The following LINGO2 variants were observed in gnomAD, a reference collection of about 807,000 sequenced individuals.
The protein encoded by LINGO2 is leucine rich repeat and Ig domain containing 2.
Under a neutral mutation model 30.6 loss-of-function variants are expected in LINGO2, and 14 were observed. The ratio of observed to expected loss-of-function variants is 0.46; its 90% confidence interval spans 0.30 to 0.72. LINGO2 has a LOEUF of 0.72. Ranked by LOEUF, LINGO2 falls within the 30% of genes least tolerant of loss-of-function variation. The pLI, the probability that LINGO2 is intolerant of heterozygous loss-of-function variation, is 0.07. For missense variants in LINGO2, 729 were observed against 751.7 expected (o/e 0.97, Z 0.35); for synonymous variants, 317 against 288.5 (o/e 1.10, Z -1.00).
chr9:28,760,917 TG>T, the LINGO2 span, among the ~76,000 whole-genome samples: 1 of 51,644 alleles, frequency 1.9e-5, no homozygotes, highest in African/African-American at 8.8e-5. Flanking sequence ...TATACGTACG[TG>T]TGTGTGTGTG....
At chr9:28,744,226 G>T in the LINGO2 span, among the ~76,000 whole-genome samples, 15 of 151,440 alleles carry the variant, frequency 9.9e-5, no homozygotes, top group Non-Finnish European at 1.8e-4. Flanking sequence ...TCTATTTGAT[G>T]AAACAGTGTC....
chr9:28,283,059 T>C (rs1437713149), intron 4 of LINGO2, among the ~76,000 whole-genome samples: 7 of 152,172 alleles, frequency 4.6e-5, no homozygotes, highest in Non-Finnish European at 8.8e-5. Context: ...CCTTTGTAGA[T>C]GGAACACATA....
At chr9:28,472,528 T>G (rs896414354) in intron 2 of LINGO2, among the ~76,000 whole-genome samples, 1 of 152,088 alleles carries the variant, frequency 6.6e-6, no homozygotes, top group African/African-American at 2.4e-5. Flanking sequence ...TGTCCTAACG[T>G]TTAAAGAATA....
At chr9:28,686,117 G>A in the LINGO2 span, among the ~76,000 whole-genome samples, 3 of 151,918 alleles carry the variant, frequency 2.0e-5, no homozygotes, top group South Asian at 2.1e-4. Flanking sequence ...CAGAAATTGG[G>A]GAAATTAACC....
rs80005101 is a variant in LINGO2 at position 28,468,501 on chromosome 9, T to C, written c.-279+7439A>G. ...GTCCACAGAAACTGAAGGTAAGAGA[T>C]TATTGGGAAATAATACAGTAGAACA... On this transcript the variant is annotated intron_variant, in intron 2 of 5. Coordinates refer to ENST00000379992, the Ensembl canonical transcript of LINGO2. Among the ~76,000 whole-genome samples the C allele has an allele frequency of 6.6e-3, 998 of 152,006 alleles. 41 individuals are homozygous for C. The East Asian group carries it at 0.093, about 14-fold the overall frequency.
chr9:28,031,671 T>C (rs1224128160), intron 4 of LINGO2, among the ~76,000 whole-genome samples: 1 of 152,196 alleles, frequency 6.6e-6, no homozygotes, highest in Non-Finnish European at 1.5e-5. Flanking sequence ...ATAATTATGA[T>C]CTGCTCTGTC....
chr9:28,249,451 C>T (rs1822116728), intron 4 of LINGO2, among the ~76,000 whole-genome samples: 1 of 152,118 alleles, frequency 6.6e-6, no homozygotes, highest in African/African-American at 2.4e-5. Flanking sequence ...TGATTGGCAA[C>T]AAGAATTATT....
At chr9:28,805,891 A>T in the LINGO2 span, among the ~76,000 whole-genome samples, 1 of 152,184 alleles carries the variant, frequency 6.6e-6, no homozygotes, top group Non-Finnish European at 1.5e-5. Flanking sequence ...AGATAATTAT[A>T]ACATATATTT....
intron 4 of LINGO2, among the ~76,000 whole-genome samples, chr9:28,117,824 G>A (rs1826973776): frequency 6.6e-6 from 1 of 151,788 alleles, no homozygotes. Flanking sequence ...ACTCCCTAGT[G>A]AGATGAACCC....
chr9:28,852,387 C>A, the LINGO2 span, among the ~76,000 whole-genome samples: 71 of 151,960 alleles, frequency 4.7e-4, no homozygotes, highest in African/African-American at 1.7e-3. Context: ...TTAGCAAATA[C>A]TTACTAATGA....
At chr9:29,147,729 C>T in the LINGO2 span, among the ~76,000 whole-genome samples, 4 of 152,096 alleles carry the variant, frequency 2.6e-5, no homozygotes, top group African/African-American at 9.6e-5. Flanking sequence ...ACATTTATTT[C>T]TGAGGACAAG....
chr9:28,040,305 G>A (rs538061273), intron 4 of LINGO2, among the ~76,000 whole-genome samples: 1 of 152,150 alleles, frequency 6.6e-6, no homozygotes. Context: ...TGACCGGGAA[G>A]CCTTCACTAC....
chr9:29,142,537 A>G, the LINGO2 span, among the ~76,000 whole-genome samples: 3 of 151,920 alleles, frequency 2.0e-5, no homozygotes, highest in Non-Finnish European at 4.4e-5. Flanking sequence ...TTAGCAGGAA[A>G]AAAGATAACA....
At chr9:29,188,869 G>T in the LINGO2 span, among the ~76,000 whole-genome samples, 2 of 149,154 alleles carry the variant, frequency 1.3e-5, no homozygotes, top group Non-Finnish European at 3.0e-5. Context: ...AGGGCGGCTG[G>T]CCGGGCAGAG....
intron 3 of LINGO2, among the ~76,000 whole-genome samples, chr9:28,368,469 G>A (rs903621478): frequency 4.6e-5 from 7 of 152,050 alleles, no homozygotes; most frequent in African/African-American, 1.4e-4. Context: ...AGCGAAGTTA[G>A]AGAGATGTAT....
chr9:29,094,295 G>C, the LINGO2 span, among the ~76,000 whole-genome samples: 1 of 138,976 alleles, frequency 7.2e-6, no homozygotes, highest in African/African-American at 2.7e-5. Context: ...GGCATTTTAT[G>C]ATGATGTACA....
chr9:28,528,787 T>C (rs1219218267), intron 1 of LINGO2, among the ~76,000 whole-genome samples: 3 of 152,076 alleles, frequency 2.0e-5, no homozygotes, highest in African/African-American at 7.2e-5. Flanking sequence ...GTATTGTTGA[T>C]GTGTATATAT....
chr9:29,068,287 G>C, the LINGO2 span, among the ~76,000 whole-genome samples: 1 of 151,716 alleles, frequency 6.6e-6, no homozygotes, highest in South Asian at 2.1e-4. Context: ...GATGCTAATA[G>C]CTAATATACC....
chr9:28,293,515 C>G (rs1355539990), intron 4 of LINGO2, among the ~76,000 whole-genome samples: 2 of 152,000 alleles, frequency 1.3e-5, no homozygotes, highest in African/African-American at 4.8e-5. Context: ...TACAGTTTAT[C>G]TTGGTAAATA....
Sources: allele counts gnomAD v4.1 joint callset (sites outside exome capture counted in the v4.1 genomes callset), GRCh38; gene constraint gnomAD v4.1.1; transcripts MANE v1.5; gene names NCBI Gene and HGNC (gene_info 2026-07-23, HGNC 2026-07-21).